Variants in ZNF106 observed in about 807,000 individuals in gnomAD.
ZNF106 encodes zinc finger protein 106, also known as SH3-domain binding protein 3.
In ZNF106, 67 loss-of-function variants were observed where a neutral mutation model predicts 195.1. That is an observed-to-expected ratio of 0.34 (90% confidence interval 0.28 to 0.42). The LOEUF is 0.42. Ranked by LOEUF, ZNF106 falls within the 10% of genes least tolerant of loss-of-function variation. The pLI, the probability that ZNF106 is intolerant of heterozygous loss-of-function variation, is 1.00. For synonymous variants in ZNF106, 784 were observed against 818.6 expected (o/e 0.96, Z 0.72); for missense variants, 2,118 against 2,304.5 (o/e 0.92, Z 1.66).
At chr15:42,466,164 A>C in intron 2 of ZNF106, 50 bp from the exon 3 acceptor site, 1 of 1,433,896 alleles carries the variant, frequency 7.0e-7, no homozygotes, top group Non-Finnish European at 9.2e-7. Context: ...TGCTTTGAAA[A>C]AAAAAAACTC....
At chr15:42,486,606 G>C (rs1206476297) in intron 1 of ZNF106, among the ~76,000 whole-genome samples, 2 of 150,798 alleles carry the variant, frequency 1.3e-5, no homozygotes, top group Non-Finnish European at 2.9e-5. Context: ...TCAATGTTTA[G>C]TATTAGAAGT....
At chr15:42,480,686 T>C (rs1314456477) in intron 1 of ZNF106, among the ~76,000 whole-genome samples, 2 of 152,188 alleles carry the variant, frequency 1.3e-5, no homozygotes, top group African/African-American at 4.8e-5. Flanking sequence ...CTCTTTACTG[T>C]GTTAAAAAGT....
At chr15:42,447,392 G>C (rs953578452) in intron 6 of ZNF106, among the ~76,000 whole-genome samples, 4 of 151,960 alleles carry the variant, frequency 2.6e-5, no homozygotes, top group African/African-American at 9.7e-5. Flanking sequence ...AATAAATAAT[G>C]AAGAGAAGAA....
In ZNF106 at chr15:42,442,311, G is replaced by C; in HGVS notation, c.3525C>G (p.Pro1175=). Reference sequence around the variant, plus strand: ...CCAGAAAAAGTGGGAAAAAGGGAGTGGGCAGCAGTGCGGCATCAATGGATG... The same window carrying C: ...CCAGAAAAAGTGGGAAAAAGGGAGTCGGCAGCAGTGCGGCATCAATGGATG... ...SQTSIDAALL[P]TPFFPLFLEP... Residue 1175 remains proline (P), a synonymous_variant, in exon 10 of 22, where the codon CCC becomes CCG. Coordinates refer to ENST00000564754, the MANE Select transcript of ZNF106 (RefSeq NM_001366845.3). 6.2e-7 allele frequency: 1 copy of C among 1,614,172 alleles called. No individual in the cohort carries two copies. Among genetic ancestry groups the C allele is most frequent in the Non-Finnish European group, 8.5e-7 (1 of 1,180,036 alleles).
chr15:42,461,047 C>A (rs927001305), intron 3 of ZNF106, among the ~76,000 whole-genome samples: 3 of 152,152 alleles, frequency 2.0e-5, no homozygotes, highest in African/African-American at 4.8e-5. Context: ...CCTCCACACA[C>A]ATCTGCGTTT....
At position 42,417,317 on chromosome 15, in the gene ZNF106, T is replaced by C; in HGVS notation, c.5708A>G (p.Lys1903Arg). ...HIERHAEDDS[K>R]IDS ...AGGCAAAAAACTTCATGAATCAATT[T>C]TGCTGTCATCTTCAGCATGTCGTTC... Residue 1903 changes from lysine (K) to arginine (R), a missense_variant, in exon 22 of 22, where the codon AAA (lysine) becomes AGA (arginine). Lys to Arg is a conservative substitution (Grantham distance 26). Coordinates refer to ENST00000564754, the MANE Select transcript of ZNF106 (RefSeq NM_001366845.3). The C allele has an allele frequency of 6.2e-7, 1 of 1,614,122 alleles. No homozygotes were observed. Among genetic ancestry groups the C allele is most frequent in the Non-Finnish European group, 8.5e-7 (1 of 1,180,002 alleles).
At chr15:42,422,422 C>T (rs1417106845) in intron 18 of ZNF106, 79 bp downstream of exon 18, 7 of 1,529,066 alleles carry the variant, frequency 4.6e-6, no homozygotes, top group East Asian at 2.3e-5. Context: ...TCCCACCTTA[C>T]TGTATCAAAA....
chr15:42,469,181 G>A (rs28491449), intron 2 of ZNF106, among the ~76,000 whole-genome samples: 2,686 of 151,270 alleles, frequency 0.018, 32 homozygotes, highest in Middle Eastern at 0.034. Context: ...GCAAAACGCC[G>A]TCTAAAAAAA....
chr15:42,487,582 T>C (rs1243057959), intron 1 of ZNF106, among the ~76,000 whole-genome samples: 1 of 151,732 alleles, frequency 6.6e-6, no homozygotes, highest in Non-Finnish European at 1.5e-5. Flanking sequence ...TCAGCCACTC[T>C]TGTGAGTTTC....
chr15:42,443,869 G>C (rs2055653445), intron 9 of ZNF106, among the ~76,000 whole-genome samples: 2 of 152,124 alleles, frequency 1.3e-5, no homozygotes, highest in Admixed American at 6.6e-5. Flanking sequence ...AACTTTGGGA[G>C]GCTGAGGCAG....
chr15:42,490,219 A>G (rs2057117427), intron 1 of ZNF106: 1 of 150,340 alleles, frequency 6.7e-6, no homozygotes, highest in Admixed American at 6.7e-5. Flanking sequence ...ACAAGAGCGA[A>G]ACTTTGTCTC....
chr15:42,457,029 T>A lies in ZNF106; in HGVS notation c.246A>T (p.Gly82=). The A allele has an allele frequency of 6.2e-7, 1 of 1,609,726 alleles. No individual in the cohort carries two copies. The highest frequency in any genetic ancestry group is 8.5e-7 in the Non-Finnish European group (1 of 1,177,568). ...CAAAATAATCTTCTTCCTCTTCCTCTCCTTTTCCATCATCTTCTCTTTCCT... is the reference window on the plus strand; with the variant it reads ...CAAAATAATCTTCTTCCTCTTCCTCACCTTTTCCATCATCTTCTCTTTCCT... The part of the protein sequence containing the change: ...DAQEREDDGK[G]EEEEEDYFDK... Residue 82 remains glycine (G), a synonymous_variant, in exon 4 of 22, where the codon GGA becomes GGT. Transcript: ENST00000564754.
At position 42,417,311 on chromosome 15, in the gene ZNF106, T is replaced by C. The variant is rs775003312; in HGVS notation, c.5714A>G (p.Asp1905Gly). Reference protein sequence around the residue: ...ERHAEDDSKIDS With the variant: ...ERHAEDDSKIGS Reference sequence around the variant, plus strand: ...CGTGGGAGGCAAAAAACTTCATGAATCAATTTTGCTGTCATCTTCAGCATG... The same window carrying C: ...CGTGGGAGGCAAAAAACTTCATGAACCAATTTTGCTGTCATCTTCAGCATG... Residue 1905 changes from aspartate to glycine, a missense_variant, in exon 22 of 22, where the codon GAT becomes GGT. Physicochemically the swap from Asp to Gly is moderately conservative, Grantham distance 94 (BLOSUM62 -1). Coordinates refer to ENST00000564754, the MANE Select transcript of ZNF106 (RefSeq NM_001366845.3). 1.2e-6 allele frequency: 2 copies of C among 1,614,000 alleles called. No individual in the cohort carries two copies. Among genetic ancestry groups the C allele is most frequent in the Non-Finnish European group, 1.7e-6 (2 of 1,179,976 alleles).
rs2055713994 is a variant in ZNF106 at position 42,444,966 on chromosome 15, T to C, written c.3221A>G (p.Asp1074Gly). The C allele has an allele frequency of 2.5e-6, 4 of 1,614,142 alleles. No individual in the cohort carries two copies. The South Asian group carries it at 4.4e-5, about 18-fold the overall frequency. ...CCTTAAAGAAATATTCAGCAGCTGG[T>C]CAACCTGAGAACGTTCTGCCAAAAG... ...IKGKKERSQV[D>G]QLLNISLREE... The change falls in exon 8 of 22, where the codon GAC (aspartate) becomes GGC (glycine). Residue 1074 changes from aspartate (D) to glycine (G), a missense_variant. Coordinates refer to ENST00000564754, the MANE Select transcript of ZNF106 (RefSeq NM_001366845.3).
At chr15:42,458,271 C>T (rs2056296643) in intron 3 of ZNF106, among the ~76,000 whole-genome samples, 1 of 152,068 alleles carries the variant, frequency 6.6e-6, no homozygotes, top group South Asian at 2.1e-4. Flanking sequence ...ACACGTGCAC[C>T]TCTGTTCCAT....
chr15:42,462,684 G>C (rs1226255873), intron 3 of ZNF106, among the ~76,000 whole-genome samples: 2 of 152,194 alleles, frequency 1.3e-5, no homozygotes, highest in Admixed American at 6.5e-5. Flanking sequence ...TCCTCTAAGA[G>C]AGAAATAGGA....
intron 14 of ZNF106, among the ~76,000 whole-genome samples, chr15:42,434,524 C>A (rs952592035): frequency 4.6e-5 from 7 of 152,156 alleles, no homozygotes; most frequent in African/African-American, 1.7e-4. Flanking sequence ...TGTCCTAGCA[C>A]AGCTCCATTC....
At chr15:42,478,128 A>C (rs2056823573) in intron 1 of ZNF106, among the ~76,000 whole-genome samples, 1 of 151,754 alleles carries the variant, frequency 6.6e-6, no homozygotes, top group African/African-American at 2.4e-5. Context: ...AGAATGTTAC[A>C]TTTGTCACAA....
chr15:42,490,637 C>T (rs2057135755), intron 1 of ZNF106, among the ~76,000 whole-genome samples: 1 of 152,218 alleles, frequency 6.6e-6, no homozygotes, highest in Non-Finnish European at 1.5e-5. Flanking sequence ...CTGAGACCTA[C>T]GGGCTTTAAG....
Sources: allele counts gnomAD v4.1 joint callset (sites outside exome capture counted in the v4.1 genomes callset), GRCh38; gene constraint gnomAD v4.1.1; transcripts MANE v1.5; gene names NCBI Gene and HGNC (gene_info 2026-07-23, HGNC 2026-07-21).